Variants in AHCTF1 observed in about 807,000 individuals in gnomAD.
AHCTF1 encodes the protein protein ELYS.
In AHCTF1, 24 loss-of-function variants were observed where a neutral mutation model predicts 248.4. The ratio of observed to expected loss-of-function variants is 0.10; its 90% CI spans 0.07 to 0.14. The LOEUF is 0.14. Among genes scored for constraint, AHCTF1 ranks in the 10% least tolerant of loss-of-function variants. The pLI is 1.00. For synonymous variants in AHCTF1, 786 were observed against 929.8 expected (o/e 0.85, Z 2.81); for missense variants, 2,206 against 2,636.2 (o/e 0.84, Z 3.57).
intron 14 of AHCTF1, among the ~76,000 whole-genome samples, chr1:246,892,864 T>G (rs139851612): frequency 6.6e-6 from 1 of 152,228 alleles, no homozygotes; most frequent in Non-Finnish European, 1.5e-5. Context: ...CAGGCTGGTC[T>G]TGAACTCCTG....
intron 30 of AHCTF1, among the ~76,000 whole-genome samples, 198 bp downstream of exon 30, chr1:246,857,487 CTCTGTA>C (rs1413851974): frequency 8.5e-5 from 13 of 152,202 alleles, no homozygotes; most frequent in African/African-American, 3.1e-4. Flanking sequence ...TTTACCGTGT[CTCTGTA>C]TATTTCCGAA....
intron 28 of AHCTF1, 59 bp from the exon 29 acceptor site, chr1:246,861,354 C>T: frequency 5.0e-6 from 7 of 1,406,694 alleles, no homozygotes; most frequent in Non-Finnish European, 6.7e-6. Context: ...AAGTCTAGTC[C>T]TAAGCTACCC....
At chr1:246,846,926 A>T (rs1660312434) in intron 33 of AHCTF1, among the ~76,000 whole-genome samples, 1 of 151,790 alleles carries the variant, frequency 6.6e-6, no homozygotes, top group African/African-American at 2.4e-5. Flanking sequence ...ATCATTAAAA[A>T]TTTTTCTTTT....
chr1:246,927,690 G>A (rs1177803018), intron 1 of AHCTF1, among the ~76,000 whole-genome samples: 4 of 152,192 alleles, frequency 2.6e-5, no homozygotes, highest in East Asian at 3.9e-4. Flanking sequence ...GAGCAGGAAC[G>A]TTCTACTGGC....
intron 3 of AHCTF1, among the ~76,000 whole-genome samples, chr1:246,914,261 T>C (rs1426850791): frequency 6.6e-5 from 10 of 152,224 alleles, no homozygotes; most frequent in African/African-American, 2.4e-4. Context: ...AGGTTGAACA[T>C]CCAAATCCAA....
intron 29 of AHCTF1, among the ~76,000 whole-genome samples, chr1:246,859,612 T>C (rs573793093): frequency 2.6e-5 from 4 of 152,292 alleles, no homozygotes; most frequent in East Asian, 1.9e-4. Flanking sequence ...TTCTCTTGCC[T>C]GGGCTGGAGT....
chr1:246,916,568 G>A (rs1477920241), intron 2 of AHCTF1, among the ~76,000 whole-genome samples, 173 bp from the exon 3 acceptor site: 2 of 152,062 alleles, frequency 1.3e-5, no homozygotes, highest in Non-Finnish European at 2.9e-5. Context: ...GTCATTCAGT[G>A]GCGTGAACCT....
intron 8 of AHCTF1, 95 bp from the exon 9 acceptor site, chr1:246,900,564 C>T (rs1004603947): frequency 1.6e-5 from 21 of 1,313,514 alleles, no homozygotes; most frequent in East Asian, 1.1e-4. Context: ...ATAAATTAAG[C>T]GGTTTAATTC....
chr1:246,868,917 T>G (rs573268651), intron 24 of AHCTF1, among the ~76,000 whole-genome samples: 1 of 149,314 alleles, frequency 6.7e-6, no homozygotes, highest in Non-Finnish European at 1.5e-5. Flanking sequence ...TGATCTCGGC[T>G]CACTGCAAGT....
At chr1:246,861,595 C>T (rs1001777736) in intron 28 of AHCTF1, among the ~76,000 whole-genome samples, 1 of 152,038 alleles carries the variant, frequency 6.6e-6, no homozygotes. Context: ...CAAGACACAC[C>T]CTCAAAAACA....
chr1:246,904,074 A>C, intron 6 of AHCTF1, 41 bp from the exon 7 acceptor site: 2 of 1,508,708 alleles, frequency 1.3e-6, no homozygotes, highest in Non-Finnish European at 1.8e-6. Context: ...ATATATTAAT[A>C]CATTAAACAT....
In AHCTF1 at chr1:246,839,750, ATAAAT is replaced by A. The variant is rs893210649; in HGVS notation, c.*1051_*1055del. On this transcript the variant is annotated 3_prime_UTR_variant, in exon 36 of 36. Coordinates refer to ENST00000648844, the MANE Select transcript of AHCTF1 (RefSeq NM_001323342.2). ...CATTACACACTATCGATTACCTGTT[ATAAAT>A]TATTTTACAACACTTATTTATTGAT... 1.2e-4 allele frequency: 20 copies of A among 164,138 alleles called. No individual in the cohort carries two copies. Among genetic ancestry groups the A allele is most frequent in the Admixed American group, 3.9e-4 (6 of 15,288 alleles). 10.2% of individuals were successfully genotyped at this position (164,138 alleles called of 1,614,324 possible).
intron 11 of AHCTF1, among the ~76,000 whole-genome samples, chr1:246,899,030 A>C (rs1327843858): frequency 6.6e-6 from 1 of 152,214 alleles, no homozygotes; most frequent in Non-Finnish European, 1.5e-5. Flanking sequence ...CAGAGGTTGC[A>C]ATGAGCCGAG....
rs572018579 is a variant in AHCTF1 at position 246,894,202 on chromosome 1, CA to C, written c.1804+456del. Among the ~76,000 whole-genome samples the C allele has an allele frequency of 3.7e-3, 538 of 145,814 alleles. 3 individuals are homozygous for C. The highest frequency in any genetic ancestry group is 2.5e-3 in the Non-Finnish European group (168 of 65,978). On this transcript the variant is annotated intron_variant, in intron 14 of 35. Coordinates refer to ENST00000648844, the MANE Select transcript of AHCTF1 (RefSeq NM_001323342.2). ...CTGGGCAAAAAGTGAGACCATGTCT[CA>C]AAAAAAAAAATTACTTTTATCACTT...
In AHCTF1 at chr1:246,882,543, G is replaced by A. The variant is rs146245760; in HGVS notation, c.2660+2950C>T. On this transcript the variant is annotated intron_variant, in intron 21 of 35. Coordinates refer to ENST00000648844, the MANE Select transcript of AHCTF1 (RefSeq NM_001323342.2). ...CGCTAAGGTGCTATGTGGGACATTCGATATATACTTTTGTATTACAAAGAA... is the reference window on the plus strand; with the variant it reads ...CGCTAAGGTGCTATGTGGGACATTCAATATATACTTTTGTATTACAAAGAA... Among the ~76,000 whole-genome samples the A allele has an allele frequency of 4.7e-3, 709 of 152,194 alleles. 8 individuals are homozygous for A. The highest frequency in any genetic ancestry group is 0.016 in the African/African-American group (674 of 41,532).
chr1:246,872,301 G>T (rs1662652692), intron 24 of AHCTF1, among the ~76,000 whole-genome samples: 1 of 152,084 alleles, frequency 6.6e-6, no homozygotes, highest in Non-Finnish European at 1.5e-5. Context: ...CAGCTGGGGT[G>T]GCACGCCAGG....
At chr1:246,886,593 T>A (rs1663834893) in intron 20 of AHCTF1, among the ~76,000 whole-genome samples, 1 of 152,158 alleles carries the variant, frequency 6.6e-6, no homozygotes, top group African/African-American at 2.4e-5. Context: ...AGACCCAATT[T>A]TTTCCCCTGA....
chr1:246,845,248 T>C lies in AHCTF1; in HGVS notation c.6392-1320A>G, dbSNP rs190731597. Among the ~76,000 whole-genome samples the C allele has an allele frequency of 2.6e-5, 4 of 152,038 alleles. No homozygotes were observed. The East Asian group carries it at 8.0e-4, about 30-fold the overall frequency. On this transcript the variant is annotated intron_variant, in intron 33 of 35. Transcript: ENST00000648844. ...GTAGGTGTATATATAAAAATGTTTT[T>C]TGTGGGTACACAGTAGGTGTATATA... is the stretch of plus-strand genomic sequence containing the variant.
At chr1:246,873,837 T>C (rs897225407) in intron 24 of AHCTF1, among the ~76,000 whole-genome samples, 1 of 152,200 alleles carries the variant, frequency 6.6e-6, no homozygotes, top group Non-Finnish European at 1.5e-5. Context: ...AAACGTTCCC[T>C]GTGTCACCTT....
Sources: gnomAD v4.1 joint callset for allele counts (sites outside exome capture counted in the v4.1 genomes callset) on GRCh38, gnomAD v4.1.1 for gene constraint, MANE v1.5 for transcripts, NCBI Gene and HGNC (gene_info 2026-07-23, HGNC 2026-07-21) for gene names.